FARP1: variants seen among roughly 807,000 people sequenced by gnomAD.
FARP1 encodes the protein FERM, ARH/RhoGEF and pleckstrin domain protein 1.
FARP1 carries 52 observed loss-of-function variants against 128.8 expected under a neutral mutation model. The observed-to-expected ratio is 0.40, with a 90% CI of 0.32 to 0.51. FARP1 has a LOEUF of 0.51. Ranked by LOEUF, FARP1 falls within the 20% of genes least tolerant of loss-of-function variation. The pLI is 0.45. For missense variants in FARP1, 1,333 were observed against 1,367.9 expected (o/e 0.97, Z 0.40); for synonymous variants, 580 against 551.8 (o/e 1.05, Z -0.72).
intron 13 of FARP1, among the ~76,000 whole-genome samples, chr13:98,408,787 CAGTG>C (rs975952353): frequency 2.0e-5 from 3 of 152,208 alleles, no homozygotes; most frequent in Admixed American, 6.5e-5. Context: ...CTGTCCCAAA[CAGTG>C]AGAGACATGG....
At chr13:98,435,152 C>T (rs1469419352) in intron 18 of FARP1, among the ~76,000 whole-genome samples, 2 of 152,186 alleles carry the variant, frequency 1.3e-5, no homozygotes, top group Non-Finnish European at 2.9e-5. Context: ...ACACCTCCTC[C>T]CAAGGAGGTG....
intron 2 of FARP1, among the ~76,000 whole-genome samples, chr13:98,288,357 T>C (rs1023932): frequency 0.63 from 95,814 of 152,054 alleles, 30,523 homozygotes; most frequent in East Asian, 0.69. Context: ...CGGGAGCCTC[T>C]TGATATACTT....
In FARP1 at chr13:98,200,866, T is replaced by C. The variant is rs76557849; in HGVS notation, c.-23-12354T>C. ...GGCTAGAGAAGTGTTTTTTTTCTTT[T>C]GAATGTAAGTGTTTTATTTTTCTCT... On this transcript the variant is annotated intron_variant, in intron 1 of 26. Transcript: ENST00000319562. Among the ~76,000 whole-genome samples the C allele has an allele frequency of 3.7e-3, 564 of 152,306 alleles. 6 individuals carry two copies. Among genetic ancestry groups the C allele is most frequent in the African/African-American group, 0.013 (542 of 41,576 alleles).
intron 1 of FARP1, among the ~76,000 whole-genome samples, chr13:98,199,235 G>C: frequency 6.6e-6 from 1 of 152,056 alleles, no homozygotes. Context: ...TCAGGGACTA[G>C]TTGATGTCTC....
At position 98,176,250 on chromosome 13, in the gene FARP1, G is replaced by A. The variant is rs1360894984; in HGVS notation, c.-24+32758G>A. ...AAGCCATGGGAATTGGACACTCATGGGGGTCTTCTGTGAAATGGGACTTGC... is the reference window on the plus strand; with the variant it reads ...AAGCCATGGGAATTGGACACTCATGAGGGTCTTCTGTGAAATGGGACTTGC... On this transcript the variant is annotated intron_variant, in intron 1 of 26. Transcript: ENST00000319562. This position sits in a 1 kb window ranked among gnomAD's most constrained non-coding sequence, Gnocchi z 6.2. The A allele has an allele frequency of 1.2e-6, 2 of 1,607,302 alleles. No homozygotes were observed. Among genetic ancestry groups the A allele is most frequent in the South Asian group, 1.1e-5 (1 of 90,792 alleles).
At chr13:98,380,518 T>G (rs1349205119) in intron 6 of FARP1, among the ~76,000 whole-genome samples, 2 of 152,180 alleles carry the variant, frequency 1.3e-5, no homozygotes, top group East Asian at 3.8e-4. Flanking sequence ...TTAATTAGCT[T>G]AATTTAGCCA....
At chr13:98,335,050 A>C (rs150536206) in intron 2 of FARP1, among the ~76,000 whole-genome samples, 2 of 152,338 alleles carry the variant, frequency 1.3e-5, no homozygotes, top group African/African-American at 4.8e-5. Flanking sequence ...GGCTACTTCT[A>C]AAAACACATT....
intron 5 of FARP1, among the ~76,000 whole-genome samples, chr13:98,371,759 G>T (rs1282449857): frequency 6.6e-6 from 1 of 152,140 alleles, no homozygotes; most frequent in Non-Finnish European, 1.5e-5. Context: ...TGTGCTTTGT[G>T]GGGAGGGACG....
At chr13:98,247,810 G>A (rs1274269488) in intron 2 of FARP1, among the ~76,000 whole-genome samples, 6 of 152,156 alleles carry the variant, frequency 3.9e-5, no homozygotes, top group African/African-American at 9.7e-5. Flanking sequence ...CAAGATGTCC[G>A]CAGCATCCAG....
chr13:98,329,090 A>G (rs1887367876), intron 2 of FARP1: 1 of 152,226 alleles, frequency 6.6e-6, no homozygotes. Flanking sequence ...GGGGTATTGT[A>G]GAAACGCTGC....
At chr13:98,317,418 A>C (rs555736215) in intron 2 of FARP1, among the ~76,000 whole-genome samples, 16 of 152,136 alleles carry the variant, frequency 1.1e-4, no homozygotes, top group Admixed American at 1.0e-3. Flanking sequence ...CCACACAACT[A>C]GCAAATGAAA....
At chr13:98,314,202 G>A (rs1886616850) in intron 2 of FARP1, among the ~76,000 whole-genome samples, 1 of 151,228 alleles carries the variant, frequency 6.6e-6, no homozygotes, top group Non-Finnish European at 1.5e-5. Flanking sequence ...AGTGAAAGTA[G>A]CAAACATTTT....
intron 6 of FARP1, among the ~76,000 whole-genome samples, chr13:98,380,606 C>T (rs962040975): frequency 1.1e-4 from 16 of 152,032 alleles, no homozygotes; most frequent in African/African-American, 3.4e-4. Flanking sequence ...TTTAGACAGT[C>T]TCTGTCACCC....
At chr13:98,440,903 C>A in intron 24 of FARP1, 67 bp downstream of exon 24, 3 of 1,482,802 alleles carry the variant, frequency 2.0e-6, no homozygotes, top group Admixed American at 4.1e-5. Context: ...AGGCAAACTT[C>A]TGGGCCAGGG....
chr13:98,280,916 G>A (rs765536175), intron 2 of FARP1, among the ~76,000 whole-genome samples: 2 of 152,178 alleles, frequency 1.3e-5, no homozygotes, highest in Non-Finnish European at 2.9e-5. Flanking sequence ...GGATGTTTTT[G>A]TTAGGAGTGA....
intron 2 of FARP1, 144 bp downstream of exon 2, chr13:98,213,557 G>A (rs1880866900): frequency 1.2e-6 from 1 of 817,418 alleles, no homozygotes; most frequent in Admixed American, 2.8e-5. Context: ...CCCCCCAATG[G>A]CCCCGCTGAC....
intron 2 of FARP1, among the ~76,000 whole-genome samples, chr13:98,270,068 T>C (rs72655139): frequency 1.2e-4 from 18 of 152,302 alleles, no homozygotes; most frequent in Non-Finnish European, 2.6e-4. Flanking sequence ...TCACTGAATC[T>C]AACTGAAAGG....
intron 1 of FARP1, among the ~76,000 whole-genome samples, chr13:98,201,945 G>T (rs941855462): frequency 1.3e-5 from 2 of 152,192 alleles, no homozygotes; most frequent in Non-Finnish European, 2.9e-5. Flanking sequence ...TTCCTCCTCT[G>T]TTTGAAGTGT....
rs1349504846 is a variant in FARP1, at chr13:98,176,222, C to G, written c.-24+32730C>G. ...ATTTAAATGTGAGAATTATGGGAAA[C>G]CTAAGCCATGGGAATTGGACACTCA... On this transcript the variant is annotated intron_variant, in intron 1 of 26. Coordinates refer to ENST00000319562, the MANE Select transcript of FARP1 (RefSeq NM_005766.4). This position sits in a 1 kb window ranked among gnomAD's most constrained non-coding sequence, Gnocchi z 6.2. 1 of 1,608,530 alleles carries G rather than the reference C, an allele frequency of 6.2e-7. No individual in the cohort carries two copies. The highest frequency in any genetic ancestry group is 1.1e-5 in the South Asian group (1 of 90,708).
Sources: allele counts gnomAD v4.1 joint callset (sites outside exome capture counted in the v4.1 genomes callset), GRCh38; gene constraint gnomAD v4.1.1; non-coding constraint Gnocchi (gnomAD v3.1); transcripts MANE v1.5; gene names NCBI Gene and HGNC (gene_info 2026-07-23, HGNC 2026-07-21).